FLACC1: variants seen among roughly 807,000 people sequenced by gnomAD.
FLACC1 encodes flagellum-associated coiled-coil domain-containing protein 1.
A neutral mutation model predicts 62.8 loss-of-function variants in FLACC1; 66 were observed. That is an observed-to-expected ratio of 1.05 (90% confidence interval 0.86 to 1.29). FLACC1 has a LOEUF of 1.29. Among genes scored for constraint, FLACC1 ranks in the 50% most tolerant of loss-of-function variants. The pLI, the probability that FLACC1 is intolerant of heterozygous loss-of-function variation, is 0.00. For synonymous variants in FLACC1, 156 were observed against 161.0 expected, an observed-to-expected ratio of 0.97 and a Z score of 0.24; for missense variants, 452 against 489.1, an observed-to-expected ratio of 0.92 and a Z score of 0.71.
chr2:201,317,220 A>C (rs960938380), intron 9 of FLACC1, among the ~76,000 whole-genome samples: 11 of 152,224 alleles, frequency 7.2e-5, no homozygotes, highest in Admixed American at 2.0e-4. Context: ...AAGAGAGAGA[A>C]ATAAAGGGCA....
rs185601139 is a variant in FLACC1 at position 201,326,616 on chromosome 2, G to T, written c.675+3854C>A. On this transcript the variant is annotated intron_variant, in intron 9 of 14. Transcript: ENST00000392257. This position sits in a 1 kb window ranked among gnomAD's most constrained non-coding sequence, Gnocchi z 4.1. The stretch of plus-strand genomic sequence containing the variant: ...CTTAGGAATGTACTTAACCAAGGAG[G>T]TGAAAGATCTCTACAAGGAGAACTA... 1.3e-3 allele frequency among the ~76,000 whole-genome samples: 200 copies of T among 152,256 alleles called. 2 individuals carry two copies. The highest frequency in any genetic ancestry group is 3.4e-3 in the Middle Eastern group (1 of 294).
chr2:201,301,696 C>T (rs573441899), intron 11 of FLACC1, among the ~76,000 whole-genome samples: 10 of 152,304 alleles, frequency 6.6e-5, no homozygotes, highest in African/African-American at 1.2e-4. Flanking sequence ...GTTGGGTTAC[C>T]CACAAAGGGA....
At chr2:201,319,808 T>C (rs556314162) in intron 9 of FLACC1, among the ~76,000 whole-genome samples, 1 of 152,164 alleles carries the variant, frequency 6.6e-6, no homozygotes, top group Non-Finnish European at 1.5e-5. Flanking sequence ...AACAAAATAG[T>C]TGTAGAGATT....
rs772408338 is a variant in FLACC1 at position 201,355,110 on chromosome 2, C to T, written c.-48+1872G>A. Among the ~76,000 whole-genome samples the T allele has an allele frequency of 3.9e-5, 6 of 152,092 alleles. No individual in the cohort carries two copies. The East Asian group carries it at 5.8e-4, about 15-fold the overall frequency. ...GACCAGCCTAGCCAACAGGGCGAAA[C>T]CCCGTCTCTACTAAAAACACAAAAA... On this transcript the variant is annotated intron_variant, in intron 1 of 14. Transcript: ENST00000392257.
intron 7 of FLACC1, among the ~76,000 whole-genome samples, chr2:201,335,719 G>A (rs1950681676): frequency 6.6e-6 from 1 of 151,980 alleles, no homozygotes; most frequent in African/African-American, 2.4e-5. Flanking sequence ...GAACATTTTT[G>A]GTATTTTAAT....
chr2:201,298,293 G>C (rs902122998), intron 12 of FLACC1, among the ~76,000 whole-genome samples: 3 of 152,168 alleles, frequency 2.0e-5, no homozygotes, highest in African/African-American at 7.2e-5. Flanking sequence ...GGCTTGAAAG[G>C]ATCAAACTGT....
At chr2:201,310,116 G>T (rs1160373722) in intron 9 of FLACC1, among the ~76,000 whole-genome samples, 1 of 151,972 alleles carries the variant, frequency 6.6e-6, no homozygotes, top group Non-Finnish European at 1.5e-5. Flanking sequence ...GGAGGGGGAA[G>T]GCCCTGGACC....
Position 201,288,566 on chromosome 2 carries a change from C to G in FLACC1, c.*89G>C. 6.7e-7 allele frequency: 1 copy of G among 1,485,900 alleles called. No individual in the cohort carries two copies. The highest frequency in any genetic ancestry group is 9.1e-7 in the Non-Finnish European group (1 of 1,096,472). The allele number at this position is 1,485,900 out of a possible 1,614,324, so 92.0% of individuals were successfully genotyped here. ...ACCCAAGAACTAAACTCATTATATG[C>G]ATTTTCTCAAGAAAACCCTCCCAGG... On this transcript the variant is annotated 3_prime_UTR_variant, in exon 15 of 15. Transcript: ENST00000392257.
At chr2:201,307,649 T>C (rs367805081) in intron 10 of FLACC1, 27 bp from the exon 11 acceptor site, 26 of 1,513,206 alleles carry the variant, frequency 1.7e-5, no homozygotes, top group African/African-American at 6.9e-5. Flanking sequence ...AAAGCACATA[T>C]ATGTGTAAAG....
rs146041521 is a variant in FLACC1, at chr2:201,309,197, C to T, written c.729G>A (p.Trp243Ter). ...EEKWSKQKAK[W>*]KKDEKFEREN... is the part of the protein sequence containing the mutation. Reference sequence around the variant, plus strand: ...CTCGCTCGAACTTCTCATCCTTCTTCCATTTCGCCTTCTGTTTTGACCACT... The same window carrying T: ...CTCGCTCGAACTTCTCATCCTTCTTTCATTTCGCCTTCTGTTTTGACCACT... Residue 243 changes from tryptophan to a stop codon, truncating the protein, a stop_gained, in exon 10 of 15, where the codon TGG becomes TGA. Transcript: ENST00000392257. LOFTEE classifies it high-confidence loss of function. 4 of 1,614,002 alleles carry T rather than the reference C, an allele frequency of 2.5e-6. No individual in the cohort carries two copies. The highest frequency in any genetic ancestry group is 2.2e-5 in the East Asian group (1 of 44,900).
At chr2:201,318,715 T>C (rs1383652321) in intron 9 of FLACC1, among the ~76,000 whole-genome samples, 5 of 152,164 alleles carry the variant, frequency 3.3e-5, no homozygotes, top group African/African-American at 1.2e-4. Flanking sequence ...AAAGTAGAAC[T>C]ACCATTTGAT....
chr2:201,344,260 G>A lies in FLACC1; in HGVS notation c.372C>T (p.Thr124=). The A allele has an allele frequency of 6.2e-7, 1 of 1,608,880 alleles. No individual in the cohort carries two copies. The change falls in exon 6 of 15, where the codon ACC becomes ACT. Residue 124 remains threonine (T), a synonymous_variant. Transcript: ENST00000392257. ...EIPDKGRFSR[T]NIISDLEEQI... ...GCTCTTCTAGGTCAGAAATGATGTT[G>A]GTCCTGTAGGAGAAGTAATTCTTCT...
intron 3 of FLACC1, among the ~76,000 whole-genome samples, chr2:201,350,383 TCAAA>T (rs1007742618): frequency 5.9e-5 from 9 of 151,832 alleles, no homozygotes; most frequent in Non-Finnish European, 1.2e-4. Context: ...AGACTCCATC[TCAAA>T]CAAACAAACT....
At chr2:201,296,517 TG>T (rs1949866666) in intron 12 of FLACC1, among the ~76,000 whole-genome samples, 1 of 37,750 alleles carries the variant, frequency 2.6e-5, no homozygotes, top group Non-Finnish European at 4.8e-5. Flanking sequence ...TGTTGTGGGG[TG>T]GGGGGAGGGG....
chr2:201,363,402 G>T, the FLACC1 span, among the ~76,000 whole-genome samples: 34 of 152,078 alleles, frequency 2.2e-4, no homozygotes, highest in Non-Finnish European at 4.1e-4. Flanking sequence ...AGATCTGGGT[G>T]TGGGAAAGCC....
At chr2:201,308,906 A>G (rs1950158152) in intron 10 of FLACC1, among the ~76,000 whole-genome samples, 1 of 152,218 alleles carries the variant, frequency 6.6e-6, no homozygotes. Context: ...GCAAACTTGG[A>G]CCAAATGAGT....
At chr2:201,335,659 A>G (rs1282363091) in intron 7 of FLACC1, among the ~76,000 whole-genome samples, 1 of 151,842 alleles carries the variant, frequency 6.6e-6, no homozygotes, top group African/African-American at 2.4e-5. Context: ...CTATTTGGGG[A>G]CTTTGTGGGT....
At chr2:201,319,651 A>C (rs1360237810) in intron 9 of FLACC1, among the ~76,000 whole-genome samples, 1 of 152,248 alleles carries the variant, frequency 6.6e-6, no homozygotes, top group Non-Finnish European at 1.5e-5. Context: ...TAAGTAACTT[A>C]AACAATTGAA....
chr2:201,351,291 C>T lies in FLACC1; in HGVS notation c.113+1G>A, dbSNP rs1434622591. 6.2e-7 allele frequency: 1 copy of T among 1,607,942 alleles called. No homozygotes were observed. Among genetic ancestry groups the T allele is most frequent in the Admixed American group, 1.7e-5 (1 of 59,998 alleles). On this transcript the variant is annotated splice_donor_variant, in intron 2 of 14. Transcript: ENST00000392257. LOFTEE classifies it high-confidence loss of function. ...CCTACCCCATCCCAGATAATTCTTA[C>T]TTGGAACTCCCTGTGGAGTTCTTGC... is the stretch of plus-strand genomic sequence containing the variant.
Sources: allele counts gnomAD v4.1 joint callset (sites outside exome capture counted in the v4.1 genomes callset), GRCh38; gene constraint gnomAD v4.1.1; non-coding constraint Gnocchi (gnomAD v3.1); transcripts MANE v1.5; gene names NCBI Gene and HGNC (gene_info 2026-07-23, HGNC 2026-07-21).